Variants in SCLY observed in about 807,000 individuals in gnomAD.
SCLY encodes the protein selenocysteine lyase.
In SCLY, 38 loss-of-function variants were observed where a neutral mutation model predicts 50.1. The observed-to-expected ratio is 0.76, with a 90% CI of 0.59 to 0.99. SCLY has a LOEUF of 0.99. SCLY is among the 50% of genes least tolerant of loss of function. SCLY has a pLI of 0.00. For missense variants in SCLY, 600 were observed against 620.0 expected (o/e 0.97, Z 0.34); for synonymous variants, 243 against 249.4 (o/e 0.97, Z 0.24).
At chr2:238,094,255 T>C (rs1574716621) in intron 9 of SCLY, 165 bp from the exon 10 acceptor site, 2 of 657,232 alleles carry the variant, frequency 3.0e-6, no homozygotes, top group East Asian at 5.3e-5. Flanking sequence ...TTTCTCCTAA[T>C]TAACTTTGCT....
rs147985343 is a variant in SCLY, at chr2:238,071,282, G to A, written c.484+1805G>A. Among the ~76,000 whole-genome samples, 459 of 152,286 alleles carry A rather than the reference G, an allele frequency of 3.0e-3. 4 individuals are homozygous for A. The highest frequency in any genetic ancestry group is 4.2e-3 in the Non-Finnish European group (283 of 68,030). On this transcript the variant is annotated intron_variant, in intron 4 of 11. Transcript: ENST00000254663. ...AAAATGTATAGACATGCATGTGATG[G>A]AAATAGTTAAAATATTATAGAAAAG...
chr2:238,071,462 A>G (rs559001147), intron 4 of SCLY, among the ~76,000 whole-genome samples: 1 of 152,114 alleles, frequency 6.6e-6, no homozygotes, highest in South Asian at 2.1e-4. Flanking sequence ...AAAAAAATTT[A>G]GCCGGGCGTG....
At chr2:238,091,536 AGCTGCAGGT>A in intron 8 of SCLY, 18 of 453,864 alleles carry the variant, frequency 4.0e-5, no homozygotes, top group South Asian at 1.2e-4. Context: ...TGAAGTGTCA[AGCTGCAGGT>A]TCACCATTCC....
intron 4 of SCLY, among the ~76,000 whole-genome samples, chr2:238,070,450 C>A (rs1057211801): frequency 6.6e-6 from 1 of 151,994 alleles, no homozygotes; most frequent in East Asian, 1.9e-4. Flanking sequence ...GAGGTGGAGG[C>A]GGGTGGATCA....
At chr2:238,096,690 C>A in intron 10 of SCLY, 111 bp from the exon 11 acceptor site, 1 of 1,168,252 alleles carries the variant, frequency 8.6e-7, no homozygotes, top group Non-Finnish European at 1.2e-6. Flanking sequence ...GGAATTCCAC[C>A]AGGTGGCACA....
At chr2:238,065,714 G>A (rs552431425) in intron 2 of SCLY, among the ~76,000 whole-genome samples, 7 of 133,936 alleles carry the variant, frequency 5.2e-5, no homozygotes, top group Non-Finnish European at 7.9e-5. Context: ...TCTCGCTCTC[G>A]CCCAGGCTGG....
At chr2:238,081,916 C>T in intron 5 of SCLY, 80 bp downstream of exon 5, 1 of 1,579,918 alleles carries the variant, frequency 6.3e-7, no homozygotes, top group African/African-American at 1.3e-5. Flanking sequence ...TCAGGTTTCC[C>T]AGCTCTGGCC....
intron 4 of SCLY, among the ~76,000 whole-genome samples, chr2:238,072,486 C>G (rs2065137463): frequency 6.6e-6 from 1 of 152,216 alleles, no homozygotes; most frequent in African/African-American, 2.4e-5. Context: ...AGCCACACCA[C>G]TTAGTACTCC....
chr2:238,094,603 C>A, intron 10 of SCLY, 81 bp downstream of exon 10: 1 of 1,189,782 alleles, frequency 8.4e-7, no homozygotes, highest in Non-Finnish European at 1.3e-6. Context: ...CCAGTGACTC[C>A]CACTCGCCCT....
intron 4 of SCLY, among the ~76,000 whole-genome samples, chr2:238,076,163 C>T (rs1392270709): frequency 6.7e-6 from 1 of 149,918 alleles, no homozygotes; most frequent in Non-Finnish European, 1.5e-5. Context: ...ACAATCTCAG[C>T]TTACTGCAAC....
At chr2:238,075,885 T>G (rs2065167999) in intron 4 of SCLY, among the ~76,000 whole-genome samples, 1 of 152,164 alleles carries the variant, frequency 6.6e-6, no homozygotes, top group Non-Finnish European at 1.5e-5. Context: ...ATTAACCCAT[T>G]TATGCCGGAG....
chr2:238,070,981 GC>G (rs1010483027), intron 4 of SCLY, among the ~76,000 whole-genome samples: 3 of 151,918 alleles, frequency 2.0e-5, no homozygotes, highest in Non-Finnish European at 4.4e-5. Flanking sequence ...ACAGGCACAC[GC>G]CACCATGCCC....
chr2:238,091,357 T>C, intron 8 of SCLY, 103 bp downstream of exon 8: 1 of 940,988 alleles, frequency 1.1e-6, no homozygotes, highest in Non-Finnish European at 1.8e-6. Context: ...ATATTCGTGA[T>C]CTCATAAGCG....
chr2:238,070,906 ACTGCAGCCC>A (rs1372847189), intron 4 of SCLY, among the ~76,000 whole-genome samples: 1 of 150,222 alleles, frequency 6.7e-6, no homozygotes, highest in Non-Finnish European at 1.5e-5. Flanking sequence ...ATCTCAGTTC[ACTGCAGCCC>A]CTGCCTCCCA....
intron 10 of SCLY, among the ~76,000 whole-genome samples, 178 bp from the exon 11 acceptor site, chr2:238,096,623 C>T (rs1228923535): frequency 6.6e-6 from 1 of 152,228 alleles, no homozygotes; most frequent in Non-Finnish European, 1.5e-5. Flanking sequence ...AGAAAGGAAG[C>T]GTTTTCTTCG....
At chr2:238,093,604 G>T in intron 8 of SCLY, 1 of 492,992 alleles carries the variant, frequency 2.0e-6, no homozygotes, top group Non-Finnish European at 3.7e-6. Flanking sequence ...TGGGATGCTG[G>T]CTCCTCGAGG....
intron 4 of SCLY, among the ~76,000 whole-genome samples, chr2:238,070,562 T>C (rs1171048139): frequency 6.6e-6 from 1 of 152,014 alleles, no homozygotes; most frequent in African/African-American, 2.4e-5. Context: ...TGCCTGTAGT[T>C]CCAGCTTCTG....
At chr2:238,070,800 T>C (rs2065120149) in intron 4 of SCLY, among the ~76,000 whole-genome samples, 1 of 152,094 alleles carries the variant, frequency 6.6e-6, no homozygotes, top group Non-Finnish European at 1.5e-5. Context: ...AAAATCTAAT[T>C]TTCTTATTTA....
At chr2:238,075,660 C>T (rs2065166031) in intron 4 of SCLY, among the ~76,000 whole-genome samples, 1 of 152,078 alleles carries the variant, frequency 6.6e-6, no homozygotes. Flanking sequence ...TATTGGCATA[C>T]CATTGTTTAT....
Sources: allele counts gnomAD v4.1 joint callset (sites outside exome capture counted in the v4.1 genomes callset), GRCh38; gene constraint gnomAD v4.1.1; transcripts MANE v1.5; gene names NCBI Gene and HGNC (gene_info 2026-07-23, HGNC 2026-07-21).